NECTIN4: variants seen among roughly 807,000 people sequenced by gnomAD.
The protein encoded by NECTIN4 is nectin cell adhesion molecule 4.
A neutral mutation model predicts 51.7 loss-of-function variants in NECTIN4; 19 were observed. The observed-to-expected ratio is 0.37, with a 90% confidence interval of 0.26 to 0.54. The LOEUF is 0.54. NECTIN4 is among the 20% of genes least tolerant of loss of function. The pLI is 0.86. For synonymous variants in NECTIN4, 283 were observed against 286.9 expected, an observed-to-expected ratio of 0.99 and a Z score of 0.14; for missense variants, 619 against 662.4, an observed-to-expected ratio of 0.93 and a Z score of 0.72.
intron 1 of NECTIN4, chr1:161,084,827 G>A (rs979114765): frequency 6.6e-6 from 1 of 151,996 alleles, no homozygotes. Flanking sequence ...GGGTTGTCTG[G>A]TGTGGGTTTG....
At chr1:161,083,767 A>G (rs1360582448) in intron 1 of NECTIN4, among the ~76,000 whole-genome samples, 1 of 152,112 alleles carries the variant, frequency 6.6e-6, no homozygotes, top group East Asian at 1.9e-4. Context: ...CCAGGCCCCC[A>G]CGGGCCTCTT....
intron 1 of NECTIN4, among the ~76,000 whole-genome samples, chr1:161,088,720 G>C (rs1654056163): frequency 6.6e-6 from 1 of 152,132 alleles, no homozygotes; most frequent in Admixed American, 6.5e-5. Flanking sequence ...GAGAAAAGAA[G>C]GAAATAGAAA....
chr1:161,076,338 C>T lies in NECTIN4; in HGVS notation c.851+17G>A. Reference sequence around the variant, plus strand: ...ACCTAGTCTCAAGTTAGGCCTTCCTCAGGCTCGGGCCCTTACCGTGTCCAG... The same window carrying T: ...ACCTAGTCTCAAGTTAGGCCTTCCTTAGGCTCGGGCCCTTACCGTGTCCAG... On this transcript the variant is annotated intron_variant, in intron 4 of 8. Transcript: ENST00000368012. 1 of 1,614,006 alleles carries T rather than the reference C, an allele frequency of 6.2e-7. No individual in the cohort carries two copies. Among genetic ancestry groups the T allele is most frequent in the Non-Finnish European group, 8.5e-7 (1 of 1,179,930 alleles).
intron 1 of NECTIN4, among the ~76,000 whole-genome samples, chr1:161,086,485 G>A (rs1011034900): frequency 1.3e-5 from 2 of 152,180 alleles, no homozygotes; most frequent in African/African-American, 4.8e-5. Flanking sequence ...ACAGAAAGCT[G>A]ATCCTAACCC....
At chr1:161,074,557 C>T in intron 5 of NECTIN4, 54 bp downstream of exon 5, 4 of 1,607,848 alleles carry the variant, frequency 2.5e-6, no homozygotes, top group Non-Finnish European at 3.4e-6. Context: ...TCCTGCTGCC[C>T]CCACCAAGCC....
rs41270011 is a variant in NECTIN4 at position 161,089,547 on chromosome 1, A to G, written c.-251T>C. ...CAGAGCTGCTTCCCACGCTGTGGCCAACAACGACGGCAGAAACCTGGGAAC... is the reference window on the plus strand; with the variant it reads ...CAGAGCTGCTTCCCACGCTGTGGCCGACAACGACGGCAGAAACCTGGGAAC... On this transcript the variant is annotated 5_prime_UTR_variant, in exon 1 of 9. Coordinates refer to ENST00000368012, the MANE Select transcript of NECTIN4 (RefSeq NM_030916.3). This position sits in a 1 kb window ranked among gnomAD's most constrained non-coding sequence, Gnocchi z 4.1. 1 of 544,508 alleles carries G rather than the reference A, an allele frequency of 1.8e-6. No individual in the cohort carries two copies. Among genetic ancestry groups the G allele is most frequent in the Non-Finnish European group, 3.3e-6 (1 of 302,630 alleles). The allele number at this position is 544,508 out of a possible 1,614,324, so 33.7% of individuals were successfully genotyped here. A position where few individuals can be genotyped will look rare whatever the true frequency, so the allele number is the denominator to read the frequency against.
Position 161,077,606 on chromosome 1 carries a change from T to C in NECTIN4, c.577A>G (p.Ser193Gly). ...GAGCGGGAGTGCTTGAAGGAACGGC[T>C]GGACGTTGTGCCTTTGACCTCCGTG... The part of the protein sequence containing the change: ...WDTEVKGTTS[S>G]RSFKHSRSAA... Residue 193 changes from serine to glycine, a missense_variant, in exon 3 of 9, where the codon AGC becomes GGC. Transcript: ENST00000368012. 6.2e-7 allele frequency: 1 copy of C among 1,613,828 alleles called. No homozygotes were observed. Among genetic ancestry groups the C allele is most frequent in the Non-Finnish European group, 8.5e-7 (1 of 1,180,036 alleles).
chr1:161,083,299 A>G (rs1006637157), intron 1 of NECTIN4, among the ~76,000 whole-genome samples: 2 of 152,182 alleles, frequency 1.3e-5, no homozygotes, highest in Non-Finnish European at 2.9e-5. Flanking sequence ...AAGAGAAGAG[A>G]AAATAGAATT....
rs1653605185 is a variant in NECTIN4, at chr1:161,079,948, G to A, written c.81C>T (p.Gly27=). 6.3e-7 allele frequency: 1 copy of A among 1,598,418 alleles called. No individual in the cohort carries two copies. Among genetic ancestry groups the A allele is most frequent in the Non-Finnish European group, 8.5e-7 (1 of 1,169,602 alleles). The change falls in exon 2 of 9, where the codon GGC becomes GGT. Residue 27 remains glycine (G), a splice_region_variant and synonymous_variant. Coordinates refer to ENST00000368012, the MANE Select transcript of NECTIN4 (RefSeq NM_030916.3). ...LLLLLLASFT[G]RCPAGELETS... is the part of the protein sequence containing the mutation. ...TCTCCAGCTCACCCGCGGGGCACCG[G>A]CCTGCAGGGGGCAGAGAGGGACAGC...
At chr1:161,083,512 G>T (rs1315773873) in intron 1 of NECTIN4, among the ~76,000 whole-genome samples, 1 of 152,214 alleles carries the variant, frequency 6.6e-6, no homozygotes, top group Non-Finnish European at 1.5e-5. Flanking sequence ...GCCAGGCCAA[G>T]CCCAGGGACC....
rs1276171250 is a variant in NECTIN4, at chr1:161,072,317, T to C, written c.*344A>G. 4.9e-6 allele frequency: 2 copies of C among 409,410 alleles called. No homozygotes were observed. The highest frequency in any genetic ancestry group is 9.3e-6 in the Non-Finnish European group (2 of 215,078). The allele number at this position is 409,410 out of a possible 1,614,324, so 25.4% of individuals were successfully genotyped here. On this transcript the variant is annotated 3_prime_UTR_variant, in exon 9 of 9. Coordinates refer to ENST00000368012, the MANE Select transcript of NECTIN4 (RefSeq NM_030916.3). ...TGCCCACGCAACCACTCAAATCCCG[T>C]GGCACATACACCACAGTTCACTTGA... is the stretch of plus-strand genomic sequence containing the variant.
chr1:161,078,452 T>G (rs1417328588), intron 2 of NECTIN4, among the ~76,000 whole-genome samples: 1 of 151,674 alleles, frequency 6.6e-6, no homozygotes, highest in Non-Finnish European at 1.5e-5. Context: ...GGATTACAGG[T>G]GCGCACCACC....
rs373592618 is a variant in NECTIN4 at position 161,077,610 on chromosome 1, C to T, written c.573G>A (p.Thr191=). 5.9e-5 allele frequency: 96 copies of T among 1,613,688 alleles called. No homozygotes were observed. Among genetic ancestry groups the T allele is most frequent in the South Asian group, 1.6e-4 (15 of 91,088 alleles). The part of the protein sequence containing the change: ...VTWDTEVKGT[T]SSRSFKHSRS... The stretch of plus-strand genomic sequence containing the variant: ...GGGAGTGCTTGAAGGAACGGCTGGA[C>T]GTTGTGCCTTTGACCTCCGTGTCCC... Residue 191 remains threonine (T), a synonymous_variant, in exon 3 of 9, where the codon ACG becomes ACA. Transcript: ENST00000368012.
chr1:161,077,460 G>T lies in NECTIN4; in HGVS notation c.723C>A (p.His241Gln). Residue 241 changes from histidine to glutamine, a missense_variant, in exon 3 of 9, where the codon CAC (histidine) becomes CAA (glutamine). By Grantham distance (24) the His-to-Gln change is conservative. This residue lies in a region of NECTIN4 where 364 missense variants were observed against 415.7 expected (regional missense o/e 0.88). Transcript: ENST00000368012. ...AAGCATCCAAGTACTTACAGGACAC[G>T]TGGAGGATGTGGGTGATCCTTTGGT... is the stretch of plus-strand genomic sequence containing the variant. Reference protein sequence around the residue: ...LQDQRITHILHVSFLAEASVR... With the variant: ...LQDQRITHILQVSFLAEASVR... The T allele has an allele frequency of 1.9e-6, 3 of 1,614,118 alleles. No homozygotes were observed. The highest frequency in any genetic ancestry group is 2.5e-6 in the Non-Finnish European group (3 of 1,180,016).
At position 161,089,137 on chromosome 1, in the gene NECTIN4, T is replaced by C. The variant is rs41270009; in HGVS notation, c.79+81A>G. ...AGGAGGATATGTGTGTGCGTGCGTG[T>C]GTGTCTATGTGTTTGTGCATGTGTG... On this transcript the variant is annotated intron_variant, in intron 1 of 8. Coordinates refer to ENST00000368012, the MANE Select transcript of NECTIN4 (RefSeq NM_030916.3). This position sits in a 1 kb window ranked among gnomAD's most constrained non-coding sequence, Gnocchi z 4.1. The C allele has an allele frequency of 0.1, 124,726 of 1,192,840 alleles. 7,172 individuals are homozygous for C. Among genetic ancestry groups the C allele is most frequent in the Non-Finnish European group, 0.12 (92,771 of 799,468 alleles). The allele number at this position is 1,192,840 out of a possible 1,614,324, so 73.9% of individuals were successfully genotyped here.
intron 2 of NECTIN4, 30 bp from the exon 3 acceptor site, chr1:161,077,773 G>A: frequency 1.3e-6 from 2 of 1,591,054 alleles, no homozygotes; most frequent in East Asian, 4.5e-5. Flanking sequence ...GGGGTCACAG[G>A]TCTACACAAT....
rs1654100671 is a variant in NECTIN4 at position 161,089,462 on chromosome 1, T to TTCTA, written c.-170_-167dup. The TTCTA allele has an allele frequency of 3.0e-6, 2 of 668,076 alleles. No homozygotes were observed. Among genetic ancestry groups the TTCTA allele is most frequent in the African/African-American group, 3.6e-5 (2 of 55,988 alleles). The allele number at this position is 668,076 out of a possible 1,614,324, so 41.4% of individuals were successfully genotyped here. ...GGACCCAGCCCCAGCCCCGGCCCCGTTCTACACACCCAGCCGTAGCTACCC... is the reference window on the plus strand; with the variant it reads ...GGACCCAGCCCCAGCCCCGGCCCCGTTCTATCTACACACCCAGCCGTAGCTACCC... On this transcript the variant is annotated 5_prime_UTR_variant, in exon 1 of 9. Transcript: ENST00000368012. This position sits in a 1 kb window ranked among gnomAD's most constrained non-coding sequence, Gnocchi z 4.1.
In NECTIN4 at chr1:161,079,771, G is replaced by GT. The variant is rs1188471306; in HGVS notation, c.257dup (p.Tyr86Ter). Reference protein sequence around the residue: ...AQELALLHSKYGLHVSPAYEG... With the variant: ...AQELALLHSK ...CGTAAGCCGGGCTCACATGAAGCCC[G>GT]TATTTGGAGTGCAGTAGCGCTAGTT... Residue 86 changes from tyrosine (Y) to a stop codon, truncating the protein, a stop_gained and frameshift_variant, in exon 2 of 9, where the codon TAC becomes TAAC. Coordinates refer to ENST00000368012, the MANE Select transcript of NECTIN4 (RefSeq NM_030916.3). LOFTEE classifies it high-confidence loss of function. The GT allele has an allele frequency of 1.9e-6, 3 of 1,612,492 alleles. No individual in the cohort carries two copies. The highest frequency in any genetic ancestry group is 2.5e-6 in the Non-Finnish European group (3 of 1,179,972).
Position 161,089,212 on chromosome 1 carries a change from T to C in NECTIN4, c.79+6A>G, listed in dbSNP as rs1654082755. ...CAAGTGTCCTGATGGTTCAGGCAAGTCCTACCTGTAAATGATGCCAGCAGT... is the reference window on the plus strand; with the variant it reads ...CAAGTGTCCTGATGGTTCAGGCAAGCCCTACCTGTAAATGATGCCAGCAGT... On this transcript the variant is annotated splice_donor_region_variant and intron_variant, in intron 1 of 8. Coordinates refer to ENST00000368012, the MANE Select transcript of NECTIN4 (RefSeq NM_030916.3). The surrounding 1 kb of genome is among the most constrained non-coding windows in gnomAD (Gnocchi z 4.1). 1 of 1,613,164 alleles carries C rather than the reference T, an allele frequency of 6.2e-7. No individual in the cohort carries two copies. Among genetic ancestry groups the C allele is most frequent in the South Asian group, 1.1e-5 (1 of 91,068 alleles).
Sources: gnomAD v4.1 joint callset for allele counts (sites outside exome capture counted in the v4.1 genomes callset) on GRCh38, gnomAD v4.1.1 for gene constraint, gnomAD v4.1.1 regional missense constraint, Gnocchi (gnomAD v3.1) non-coding constraint, MANE v1.5 for transcripts, NCBI Gene and HGNC (gene_info 2026-07-23, HGNC 2026-07-21) for gene names.